CCDC181: variants seen among roughly 807,000 people sequenced by gnomAD.
The protein encoded by CCDC181 is coiled-coil domain-containing protein 181.
In CCDC181, 35 loss-of-function variants were observed where a neutral mutation model predicts 58.7. The ratio of observed to expected loss-of-function variants is 0.60; its 90% CI spans 0.46 to 0.79. The LOEUF (loss-of-function observed/expected upper bound fraction) is 0.79, where lower values mean the gene tolerates loss of function less well. Among genes scored for constraint, CCDC181 ranks in the 30% least tolerant of loss-of-function variants. CCDC181 has a pLI of 0.00. For synonymous variants in CCDC181, 183 were observed against 197.5 expected (o/e 0.93, Z 0.62); for missense variants, 517 against 583.9 (o/e 0.89, Z 1.18).
chr1:169,430,499 T>C (rs1365957888), upstream of CCDC181, among the ~76,000 whole-genome samples: 1 of 152,148 alleles, frequency 6.6e-6, no homozygotes, highest in Non-Finnish European at 1.5e-5. Context: ...CTTGTAGAGA[T>C]CTTTCACCTC....
chr1:169,435,886 C>T (rs1159342612), intron 2 of CCDC181, among the ~76,000 whole-genome samples: 1 of 151,978 alleles, frequency 6.6e-6, no homozygotes, highest in East Asian at 1.9e-4. Context: ...ATTATAGAAA[C>T]CTTGTGCGAT....
At chr1:169,428,601 A>G (rs961750648), upstream of CCDC181, among the ~76,000 whole-genome samples, 1 of 151,914 alleles carries the variant, frequency 6.6e-6, no homozygotes, top group Non-Finnish European at 1.5e-5. Context: ...TGCACCCATC[A>G]CCTGAGCAGT....
chr1:169,431,848 C>T (rs113346169), upstream of CCDC181, among the ~76,000 whole-genome samples: 1,103 of 152,220 alleles, frequency 7.2e-3, 7 homozygotes, highest in Admixed American at 0.018. Context: ...CAGAGGTAGC[C>T]GCCATTGTTG....
At chr1:169,430,434 G>C (rs763500384), upstream of CCDC181, among the ~76,000 whole-genome samples, 1 of 152,078 alleles carries the variant, frequency 6.6e-6, no homozygotes, top group African/African-American at 2.4e-5. Context: ...CATGGGATTT[G>C]CTTCCATTTG....
intron 4 of CCDC181, among the ~76,000 whole-genome samples, chr1:169,402,086 TGAGAA>T (rs901696249): frequency 2.3e-4 from 35 of 151,930 alleles, no homozygotes; most frequent in African/African-American, 8.5e-4. Flanking sequence ...TGAAATGAAG[TGAGAA>T]GAGAAGTTTA....
intron 4 of CCDC181, among the ~76,000 whole-genome samples, chr1:169,405,021 A>C (rs1270340414): frequency 1.3e-5 from 2 of 152,218 alleles, no homozygotes; most frequent in Non-Finnish European, 2.9e-5. Context: ...AATAACAGAC[A>C]AACAGAGAGC....
At chr1:169,401,113 C>T (rs1011280225) in intron 4 of CCDC181, among the ~76,000 whole-genome samples, 1 of 152,212 alleles carries the variant, frequency 6.6e-6, no homozygotes, top group Non-Finnish European at 1.5e-5. Context: ...AGATGTCTGC[C>T]ATTGCTGAGG....
At chr1:169,444,099 C>G (rs987089634) in intron 2 of CCDC181, among the ~76,000 whole-genome samples, 3 of 152,262 alleles carry the variant, frequency 2.0e-5, no homozygotes, top group African/African-American at 7.2e-5. Context: ...TATGCTAACC[C>G]TAAGTTTGCT....
chr1:169,411,940 C>A (rs536544736), intron 4 of CCDC181, among the ~76,000 whole-genome samples: 1 of 152,262 alleles, frequency 6.6e-6, no homozygotes, highest in South Asian at 2.1e-4. Flanking sequence ...TGGGCAAAAG[C>A]TGGAAGCATT....
chr1:169,453,788 C>T (rs1221576793), intron 2 of CCDC181, among the ~76,000 whole-genome samples: 1 of 151,310 alleles, frequency 6.6e-6, no homozygotes, highest in African/African-American at 2.4e-5. Flanking sequence ...GAATGTCCCT[C>T]CCTACCAGTG....
At position 169,419,016 on chromosome 1, in the gene CCDC181, A is replaced by T; in HGVS notation, c.1212T>A (p.Ser404Arg). 1.2e-6 allele frequency: 2 copies of T among 1,611,262 alleles called. No individual in the cohort carries two copies. The highest frequency in any genetic ancestry group is 8.5e-7 in the Non-Finnish European group (1 of 1,178,010). Residue 404 changes from serine (S) to arginine (R), a missense_variant, in exon 4 of 6, where the codon AGT becomes AGA. Ser to Arg is a moderately radical substitution (Grantham distance 110). Coordinates refer to ENST00000367806, the MANE Select transcript of CCDC181 (RefSeq NM_001300969.2). Reference sequence around the variant, plus strand: ...TTTTCAGAGAAGTTTTACTTACTCTACTGTTCATGTCTTCAATTTCCTTTG... The same window carrying T: ...TTTTCAGAGAAGTTTTACTTACTCTTCTGTTCATGTCTTCAATTTCCTTTG... The part of the protein sequence containing the change: ...QRAKEIEDMN[S>R]RQENRDPQQA...
intron 4 of CCDC181, among the ~76,000 whole-genome samples, chr1:169,412,065 A>G (rs2102069095): frequency 6.6e-6 from 1 of 152,334 alleles, no homozygotes; most frequent in Middle Eastern, 3.4e-3. Flanking sequence ...AGGGTATTCA[A>G]GTAGGAAGAG....
chr1:169,433,015 T>C (rs1656961629), intron 2 of CCDC181, among the ~76,000 whole-genome samples: 1 of 151,952 alleles, frequency 6.6e-6, no homozygotes, highest in Admixed American at 6.6e-5. Flanking sequence ...GAAAAAGAAA[T>C]ATAAGGCAGC....
upstream of CCDC181, among the ~76,000 whole-genome samples, chr1:169,430,730 T>C (rs142218498): frequency 5.7e-4 from 86 of 152,076 alleles, no homozygotes; most frequent in Admixed American, 3.3e-3. Context: ...GAGATTTTTA[T>C]TGAAAATGAA....
intron 4 of CCDC181, among the ~76,000 whole-genome samples, chr1:169,403,168 C>T (rs1655451889): frequency 6.6e-6 from 1 of 152,100 alleles, no homozygotes; most frequent in Non-Finnish European, 1.5e-5. Flanking sequence ...AAAGCAAACC[C>T]TTAGAGACCT....
chr1:169,435,340 G>A (rs532309561), intron 2 of CCDC181, among the ~76,000 whole-genome samples: 3 of 152,194 alleles, frequency 2.0e-5, no homozygotes, highest in Admixed American at 6.5e-5. Context: ...TTGTTGAGAG[G>A]AAATGGGTGT....
intron 4 of CCDC181, among the ~76,000 whole-genome samples, chr1:169,414,005 AC>A (rs1455261131): frequency 7.4e-6 from 1 of 135,326 alleles, no homozygotes; most frequent in African/African-American, 2.7e-5. Context: ...GTATCCCAGA[AC>A]TTAAAATATA....
chr1:169,448,356 T>TA (rs1430955849), intron 2 of CCDC181, among the ~76,000 whole-genome samples: 1 of 152,214 alleles, frequency 6.6e-6, no homozygotes, highest in African/African-American at 2.4e-5. Flanking sequence ...TAATATTTCT[T>TA]ACAGGGTAGA....
Position 169,394,925 on chromosome 1 carries a change from A to C in CCDC181, c.*122T>G. ...GTTCTAGTATTAAAAAAACAAATTC[A>C]CTGTCAATAAAAGATAAATACCATT... On this transcript the variant is annotated 3_prime_UTR_variant, in exon 6 of 6. Transcript: ENST00000367806. 1.1e-6 allele frequency: 1 copy of C among 892,128 alleles called. No homozygotes were observed. Among genetic ancestry groups the C allele is most frequent in the East Asian group, 2.9e-5 (1 of 34,604 alleles). The allele number at this position is 892,128 out of a possible 1,614,324, so 55.3% of individuals were successfully genotyped here.
Sources: allele counts gnomAD v4.1 joint callset (sites outside exome capture counted in the v4.1 genomes callset), GRCh38; gene constraint gnomAD v4.1.1; transcripts MANE v1.5; gene names NCBI Gene and HGNC (gene_info 2026-07-23, HGNC 2026-07-21).